FBXW11: variants seen among roughly 807,000 people sequenced by gnomAD.
The protein encoded by FBXW11 is F-box/WD repeat-containing protein 11.
In FBXW11, 19 loss-of-function variants were observed where a neutral mutation model predicts 77.6. The observed-to-expected ratio is 0.24, with a 90% CI of 0.17 to 0.36. FBXW11 has a LOEUF of 0.36. Among genes scored for constraint, FBXW11 ranks in the 10% least tolerant of loss-of-function variants. The pLI, the probability that FBXW11 is intolerant of heterozygous loss-of-function variation, is 1.00. For synonymous variants in FBXW11, 235 were observed against 249.4 expected (o/e 0.94, Z 0.54); for missense variants, 334 against 704.2 (o/e 0.47, Z 5.95).
At chr5:171,957,549 T>G (rs1312280766) in intron 2 of FBXW11, 48 bp downstream of exon 2, 2 of 1,477,328 alleles carry the variant, frequency 1.4e-6, no homozygotes, top group Non-Finnish European at 1.9e-6. Flanking sequence ...CAACAAATGT[T>G]CATGGCATAC....
chr5:171,956,367 T>C (rs1048125538), intron 2 of FBXW11, among the ~76,000 whole-genome samples: 2 of 152,188 alleles, frequency 1.3e-5, no homozygotes, highest in African/African-American at 4.8e-5. Context: ...AGCATCCTGT[T>C]CTTGTAAGGT....
intron 6 of FBXW11, among the ~76,000 whole-genome samples, chr5:171,895,883 C>T (rs1439091888): frequency 2.6e-5 from 4 of 152,182 alleles, no homozygotes; most frequent in Admixed American, 1.3e-4. Flanking sequence ...CTTTTAGGAG[C>T]GAGCCTCAGG....
At chr5:171,885,450 CA>C (rs1758818440) in intron 7 of FBXW11, among the ~76,000 whole-genome samples, 1 of 152,184 alleles carries the variant, frequency 6.6e-6, no homozygotes, top group South Asian at 2.1e-4. Context: ...GTTTCTGCTC[CA>C]GTGAGTTATG....
At chr5:171,895,376 G>C (rs1759674074) in intron 6 of FBXW11, among the ~76,000 whole-genome samples, 1 of 152,128 alleles carries the variant, frequency 6.6e-6, no homozygotes, top group Non-Finnish European at 1.5e-5. Flanking sequence ...CAACTGGGTG[G>C]GTGGGCAAGT....
At chr5:171,976,319 C>T (rs10065854) in intron 1 of FBXW11, among the ~76,000 whole-genome samples, 1,858 of 152,208 alleles carry the variant, frequency 0.012, 25 homozygotes, top group African/African-American at 0.037. Flanking sequence ...ACAGAAAACA[C>T]CAAGAGTTTA....
chr5:171,981,822 G>C (rs901266141), intron 1 of FBXW11, among the ~76,000 whole-genome samples: 1 of 152,132 alleles, frequency 6.6e-6, no homozygotes, highest in African/African-American at 2.4e-5. Context: ...TTGGTAAACA[G>C]TTATATACTC....
chr5:171,879,997 A>AGT (rs2113794483), intron 7 of FBXW11, among the ~76,000 whole-genome samples: 1 of 152,350 alleles, frequency 6.6e-6, no homozygotes, highest in South Asian at 2.1e-4. Context: ...ATATCTAAAA[A>AGT]GTCATCAACA....
intron 1 of FBXW11, among the ~76,000 whole-genome samples, chr5:171,995,709 C>T (rs571412311): frequency 6.6e-6 from 1 of 151,814 alleles, no homozygotes; most frequent in South Asian, 2.1e-4. Context: ...GTGGAGATCG[C>T]GCCACTGCAC....
intron 1 of FBXW11, among the ~76,000 whole-genome samples, chr5:171,981,590 G>A (rs2113494372): frequency 6.6e-6 from 1 of 152,276 alleles, no homozygotes; most frequent in Middle Eastern, 3.4e-3. Context: ...AATAACTGAA[G>A]AATTGCTTTG....
chr5:172,001,922 G>A (rs1280260689), intron 1 of FBXW11, among the ~76,000 whole-genome samples: 1 of 152,198 alleles, frequency 6.6e-6, no homozygotes, highest in African/African-American at 2.4e-5. Context: ...AAGGAAACGT[G>A]TGAGCAGAAT....
chr5:172,002,619 A>G (rs929803808), intron 1 of FBXW11, among the ~76,000 whole-genome samples: 37 of 149,052 alleles, frequency 2.5e-4, no homozygotes, highest in African/African-American at 9.1e-4. Flanking sequence ...TGACAGGAAG[A>G]AAAAAAAAAG....
intron 2 of FBXW11, among the ~76,000 whole-genome samples, chr5:171,942,646 CAAAAA>C: frequency 6.6e-6 from 1 of 152,040 alleles, no homozygotes; most frequent in Middle Eastern, 3.4e-3. Context: ...CAAAAAAATC[CAAAAA>C]CACTAGCCAG....
chr5:172,005,243 T>C (rs576754492), intron 1 of FBXW11, among the ~76,000 whole-genome samples: 2 of 152,322 alleles, frequency 1.3e-5, no homozygotes, highest in Admixed American at 6.5e-5. Context: ...CTGGGTTAAG[T>C]AGATTCTTCC....
chr5:171,941,160 C>T (rs1762733981), intron 2 of FBXW11, among the ~76,000 whole-genome samples: 1 of 152,060 alleles, frequency 6.6e-6, no homozygotes, highest in Non-Finnish European at 1.5e-5. Flanking sequence ...TAGACATTTC[C>T]TTACTCAAGT....
rs577399878 is a variant in FBXW11, at chr5:171,982,965, G to A, written c.45+23493C>T. Among the ~76,000 whole-genome samples, 9 of 152,272 alleles carry A rather than the reference G, an allele frequency of 5.9e-5. No individual in the cohort carries two copies. In the East Asian group the frequency reaches 1.7e-3, roughly 29 times the overall value. On this transcript the variant is annotated intron_variant, in intron 1 of 13. Transcript: ENST00000517395. ...TCCTGTAATCCCACCACTTTGGGAG[G>A]CCAAGGCAGGTGGATCAGTTGAGCC...
intron 1 of FBXW11, among the ~76,000 whole-genome samples, chr5:171,983,495 G>A (rs1213049725): frequency 2.6e-5 from 4 of 152,112 alleles, no homozygotes; most frequent in African/African-American, 9.7e-5. Context: ...GGTATGTGGG[G>A]TAGGGGGGCA....
chr5:171,966,547 T>C (rs1215661354), intron 1 of FBXW11, among the ~76,000 whole-genome samples: 1 of 152,150 alleles, frequency 6.6e-6, no homozygotes, highest in Non-Finnish European at 1.5e-5. Context: ...GGATCCTCAG[T>C]TGTACTAGGA....
At chr5:171,935,022 G>C (rs553211576) in intron 2 of FBXW11, among the ~76,000 whole-genome samples, 55 of 152,200 alleles carry the variant, frequency 3.6e-4, no homozygotes, top group African/African-American at 1.3e-3. Flanking sequence ...GCTGTGGCTT[G>C]ATCTCACTGC....
At chr5:171,940,191 G>A (rs149945237) in intron 2 of FBXW11, among the ~76,000 whole-genome samples, 16 of 152,242 alleles carry the variant, frequency 1.1e-4, no homozygotes, top group East Asian at 5.8e-4. Context: ...GTGGAAAACC[G>A]GAGTCAGGTT....
Sources: gnomAD v4.1 joint callset for allele counts (sites outside exome capture counted in the v4.1 genomes callset) on GRCh38, gnomAD v4.1.1 for gene constraint, MANE v1.5 for transcripts, NCBI Gene and HGNC (gene_info 2026-07-23, HGNC 2026-07-21) for gene names.